Variants in PCDHA11 observed in about 807,000 individuals in gnomAD.
PCDHA11 encodes the protein protocadherin alpha 11.
Under a neutral mutation model 70.3 loss-of-function variants are expected in PCDHA11, and 61 were observed. The observed-to-expected ratio is 0.87, with a 90% CI of 0.71 to 1.07. PCDHA11 has a LOEUF of 1.07. Ranked by LOEUF, PCDHA11 falls within the 50% of genes least tolerant of loss-of-function variation. PCDHA11 has a pLI of 0.00. For missense variants in PCDHA11, 1,324 were observed against 1,237.5 expected, an observed-to-expected ratio of 1.07 and a Z score of -1.05; for synonymous variants, 633 against 555.1, an observed-to-expected ratio of 1.14 and a Z score of -1.97.
At chr5:140,923,664 T>C (rs898223251) in intron 1 of PCDHA11, among the ~76,000 whole-genome samples, 1 of 152,234 alleles carries the variant, frequency 6.6e-6, no homozygotes, top group Non-Finnish European at 1.5e-5. Context: ...CTTTGGGATA[T>C]CGTTCTCTCT....
rs760426957 is a variant in PCDHA11, at chr5:141,009,783, G to A, written c.2696G>A (p.Arg899Gln). 2.5e-6 allele frequency: 4 copies of A among 1,613,880 alleles called. No individual in the cohort carries two copies. Among genetic ancestry groups the A allele is most frequent in the Admixed American group, 3.3e-5 (2 of 59,976 alleles). Reference protein sequence around the residue: ...IPGSPAIISIRQEPTNSQIDK... With the variant: ...IPGSPAIISIQQEPTNSQIDK... ...GGATCTCCTGCAATCATCTCCATCC[G>A]GCAGGAGCCTACTAACAGCCAAATT... is the stretch of plus-strand genomic sequence containing the variant. Residue 899 changes from arginine (R) to glutamine (Q), a missense_variant, in exon 4 of 4, where the codon CGG becomes CAG. Transcript: ENST00000398640.
Position 140,871,175 on chromosome 5 carries a change from C to A in PCDHA11, c.2072C>A (p.Ala691Glu), listed in dbSNP as rs782460096. The change falls in exon 1 of 4, where the codon GCG becomes GAG. Residue 691 changes from alanine to glutamate, a missense_variant. Ala to Glu is a moderately radical substitution (Grantham distance 107). Coordinates refer to ENST00000398640, the MANE Select transcript of PCDHA11 (RefSeq NM_018902.5). ...TLAGAASPEAALVDVNVYLII... is the reference protein window; with the variant it reads ...TLAGAASPEAELVDVNVYLII... The stretch of plus-strand genomic sequence containing the variant: ...GCGGGCGCCGCGAGCCCAGAGGCTG[C>A]GCTGGTGGATGTCAACGTGTACCTG... 1.4e-5 allele frequency: 22 copies of A among 1,613,402 alleles called. No individual in the cohort carries two copies. The highest frequency in any genetic ancestry group is 2.2e-5 in the South Asian group (2 of 91,092).
At chr5:140,896,673 G>A (rs962137649) in intron 1 of PCDHA11, among the ~76,000 whole-genome samples, 12 of 152,000 alleles carry the variant, frequency 7.9e-5, no homozygotes, top group Admixed American at 2.6e-4. Context: ...CACTGTGCCC[G>A]GCCCTTTGCC....
intron 3 of PCDHA11, among the ~76,000 whole-genome samples, chr5:140,998,401 CA>C (rs2097811473): frequency 6.6e-6 from 1 of 152,108 alleles, no homozygotes; most frequent in African/African-American, 2.4e-5. Context: ...ATCTTTATGC[CA>C]AAGTTTATCT....
intron 3 of PCDHA11, among the ~76,000 whole-genome samples, chr5:140,993,386 A>C (rs1435793353): frequency 6.6e-6 from 1 of 151,354 alleles, no homozygotes; most frequent in Non-Finnish European, 1.5e-5. Flanking sequence ...GGGTCCCTGA[A>C]ACTCCATCAT....
intron 1 of PCDHA11, chr5:140,968,939 A>G: frequency 6.2e-7 from 1 of 1,614,164 alleles, no homozygotes; most frequent in South Asian, 1.1e-5. Flanking sequence ...GACAATCATC[A>G]TTTTGAGCAT....
Position 140,923,994 on chromosome 5 carries a change from C to T in PCDHA11, c.2391+52500C>T, listed in dbSNP as rs147193427. ...ACATACTATCCCTCTAGGTGCAGCT[C>T]AGAATTCCTAAACCTGGTATAATTG... On this transcript the variant is annotated intron_variant, in intron 1 of 3. Transcript: ENST00000398640. Among the ~76,000 whole-genome samples the T allele has an allele frequency of 8.1e-3, 1,228 of 152,292 alleles. 6 individuals are homozygous for T. The highest frequency in any genetic ancestry group is 0.019 in the African/African-American group (795 of 41,560).
intron 2 of PCDHA11, among the ~76,000 whole-genome samples, chr5:140,980,886 C>T (rs2096909899): frequency 6.6e-6 from 1 of 152,062 alleles, no homozygotes; most frequent in South Asian, 2.1e-4. Context: ...TCGGTCTTTC[C>T]AGTCTTGGAC....
intron 1 of PCDHA11, among the ~76,000 whole-genome samples, chr5:140,902,200 TTTC>T (rs1318376699): frequency 6.9e-6 from 1 of 144,634 alleles, no homozygotes; most frequent in African/African-American, 2.7e-5. Flanking sequence ...TCTCTCTCTC[TTTC>T]TTTTTTTTTT....
chr5:140,966,818 C>G (rs1376177382), intron 1 of PCDHA11: 1 of 1,554,298 alleles, frequency 6.4e-7, no homozygotes, highest in Admixed American at 1.9e-5. Context: ...ACGGCTCCGG[C>G]GGCCCATGCC....
At position 140,926,851 on chromosome 5, in the gene PCDHA11, T is replaced by G. The variant is rs201136210; in HGVS notation, c.2392-52098T>G. On this transcript the variant is annotated intron_variant, in intron 1 of 3. Transcript: ENST00000398640. The stretch of plus-strand genomic sequence containing the variant: ...TCCGGAGCATGGTCCTGGGTCACCG[T>G]TGGTGTAGCGTGTTGGTGGAACGTG... 3 of 1,517,102 alleles carry G rather than the reference T, an allele frequency of 2.0e-6. No homozygotes were observed. In the African/African-American group the frequency reaches 4.2e-5, roughly 21 times the overall value. The allele number at this position is 1,517,102 out of a possible 1,614,324, so 94.0% of individuals were successfully genotyped here.
chr5:140,959,031 G>A (rs1554223798), intron 1 of PCDHA11, among the ~76,000 whole-genome samples: 1 of 151,806 alleles, frequency 6.6e-6, no homozygotes, highest in Non-Finnish European at 1.5e-5. Flanking sequence ...CTTTATCATG[G>A]GTATGTATGT....
At chr5:140,922,166 G>A (rs1304025068) in intron 1 of PCDHA11, among the ~76,000 whole-genome samples, 1 of 143,464 alleles carries the variant, frequency 7.0e-6, no homozygotes, top group East Asian at 2.2e-4. Flanking sequence ...ACAACAAAAA[G>A]TACAGCAGAC....
chr5:140,925,124 A>AGG (rs1554202565), intron 1 of PCDHA11, among the ~76,000 whole-genome samples: 1 of 151,856 alleles, frequency 6.6e-6, no homozygotes, highest in African/African-American at 2.4e-5. Flanking sequence ...GAAGGAAGGA[A>AGG]AAAAAATTTC....
chr5:140,929,167 T>G (rs781804558), intron 1 of PCDHA11: 2 of 1,614,144 alleles, frequency 1.2e-6, no homozygotes, highest in Non-Finnish European at 1.7e-6. Context: ...CTATCGGGCC[T>G]CTCTGGGACT....
rs976643195 is a variant in PCDHA11 at position 141,010,391 on chromosome 5, C to A, written c.*454C>A. On this transcript the variant is annotated 3_prime_UTR_variant, in exon 4 of 4. Transcript: ENST00000398640. ...TGCGAGTGCCAGATATTGGCTGAGACGAGCCAGCTTAGACTAATTGGTACA... is the reference window on the plus strand; with the variant it reads ...TGCGAGTGCCAGATATTGGCTGAGAAGAGCCAGCTTAGACTAATTGGTACA... The A allele has an allele frequency of 2.2e-6, 3 of 1,386,760 alleles. No homozygotes were observed. Among genetic ancestry groups the A allele is most frequent in the Non-Finnish European group, 2.9e-6 (3 of 1,041,298 alleles). The allele number at this position is 1,386,760 out of a possible 1,614,324, so 85.9% of individuals were successfully genotyped here.
At chr5:140,893,575 T>C (rs930167579) in intron 1 of PCDHA11, among the ~76,000 whole-genome samples, 6 of 152,220 alleles carry the variant, frequency 3.9e-5, no homozygotes, top group Non-Finnish European at 7.3e-5. Flanking sequence ...CCTCAGTTTT[T>C]GCTTGTTTGG....
At position 140,875,345 on chromosome 5, in the gene PCDHA11, A is replaced by T. The variant is rs183266244; in HGVS notation, c.2391+3851A>T. 3,872 of 1,443,290 alleles carry T rather than the reference A, an allele frequency of 2.7e-3. 16 individuals are homozygous for T. The highest frequency in any genetic ancestry group is 0.011 in the African/African-American group (735 of 69,882). 89.4% of individuals were successfully genotyped at this position (1,443,290 alleles called of 1,614,324 possible). On this transcript the variant is annotated intron_variant, in intron 1 of 3. Coordinates refer to ENST00000398640, the MANE Select transcript of PCDHA11 (RefSeq NM_018902.5). ...TTCACGGAATAGGATCGACTCCATA[A>T]TGACTGTGATGCTGGAAAAAATTTA...
In PCDHA11 at chr5:141,010,033, G is replaced by A. The variant is rs2098415819; in HGVS notation, c.*96G>A. 1.9e-6 allele frequency: 3 copies of A among 1,581,924 alleles called. No homozygotes were observed. The South Asian group carries it at 3.6e-5, about 19-fold the overall frequency. ...CCCTGCTCCTTTTTCCTATCTACAT[G>A]AGCCCTCTTAGAGACCTCAGAAATC... On this transcript the variant is annotated 3_prime_UTR_variant, in exon 4 of 4. Transcript: ENST00000398640.
Sources: allele counts gnomAD v4.1 joint callset (sites outside exome capture counted in the v4.1 genomes callset), GRCh38; gene constraint gnomAD v4.1.1; transcripts MANE v1.5; gene names NCBI Gene and HGNC (gene_info 2026-07-23, HGNC 2026-07-21).